Variants in SLC22A25 observed in about 807,000 individuals in gnomAD.
The protein encoded by SLC22A25 is MGI:2442751, MGI:2385316, MGI:3042283, MGI:3645714, MGI:3605624, MGI:2442750.
SLC22A25 carries 44 observed loss-of-function variants against 45.9 expected under a neutral mutation model. The observed-to-expected ratio is 0.96, with a 90% CI of 0.75 to 1.23. The LOEUF is 1.23. Ranked by LOEUF, SLC22A25 falls within the 50% of genes most tolerant of loss-of-function variation. The pLI, the probability that SLC22A25 is intolerant of heterozygous loss-of-function variation, is 0.00. For missense variants in SLC22A25, 800 were observed against 666.4 expected (o/e 1.20, Z -2.21); for synonymous variants, 283 against 238.6 (o/e 1.19, Z -1.72).
At chr11:63,171,369 A>G (rs61687692) in intron 9 of SLC22A25, among the ~76,000 whole-genome samples, 4,832 of 152,164 alleles carry the variant, frequency 0.032, 265 homozygotes, top group African/African-American at 0.11. Context: ...AAGAAGTCAA[A>G]TTGTCTCTGC....
At chr11:63,218,323 G>A (rs1167779940) in intron 5 of SLC22A25, 3 of 278,186 alleles carry the variant, frequency 1.1e-5, no homozygotes, top group East Asian at 2.1e-4. Context: ...ATAAAGAAGG[G>A]AACAATAGAT....
intron 11 of SLC22A25, 106 bp from the exon 12 acceptor site, chr11:63,164,179 G>A: frequency 1.4e-6 from 2 of 1,396,416 alleles, no homozygotes; most frequent in Non-Finnish European, 1.9e-6. Context: ...ACACATGGAG[G>A]TGATAACATA....
chr11:63,218,119 G>T (rs779397382), intron 5 of SLC22A25: 25 of 464,320 alleles, frequency 5.4e-5, no homozygotes, highest in Non-Finnish European at 1.1e-4. Flanking sequence ...CAAAGGCATG[G>T]AATAACCTCA....
intron 7 of SLC22A25, among the ~76,000 whole-genome samples, chr11:63,195,159 A>C (rs886531436): frequency 3.9e-5 from 6 of 152,074 alleles, no homozygotes; most frequent in African/African-American, 1.4e-4. Flanking sequence ...ATAATGGGAG[A>C]CTTTAACACC....
intron 8 of SLC22A25, among the ~76,000 whole-genome samples, chr11:63,183,336 C>T (rs1355204466): frequency 6.6e-6 from 1 of 152,084 alleles, no homozygotes; most frequent in Admixed American, 6.6e-5. Flanking sequence ...CCTAATCCTT[C>T]CTTCCTCTGT....
At chr11:63,189,170 G>T (rs1171385769) in intron 7 of SLC22A25, among the ~76,000 whole-genome samples, 1 of 152,114 alleles carries the variant, frequency 6.6e-6, no homozygotes, top group Non-Finnish European at 1.5e-5. Flanking sequence ...TTATTATTGT[G>T]TGGGAGCCTA....
chr11:63,228,516 G>T lies in SLC22A25; in HGVS notation c.451C>A (p.Leu151Ile), dbSNP rs1276750357. Reference protein sequence around the residue: ...SQPLNSVAKFLFMAGMMVGGN... With the variant: ...SQPLNSVAKFIFMAGMMVGGN... ...CCCACCATCATTCCAGCCATGAATAGAAATTTAGCTACTGAATTCAGTGGT... is the reference window on the plus strand; with the variant it reads ...CCCACCATCATTCCAGCCATGAATATAAATTTAGCTACTGAATTCAGTGGT... The change falls in exon 5 of 12, where the codon CTA (leucine) becomes ATA (isoleucine). Residue 151 changes from leucine (L) to isoleucine (I), a missense_variant. Coordinates refer to ENST00000306494, the MANE Select transcript of SLC22A25 (RefSeq NM_199352.6). 1 of 1,613,826 alleles carries T rather than the reference G, an allele frequency of 6.2e-7. No individual in the cohort carries two copies. The highest frequency in any genetic ancestry group is 8.5e-7 in the Non-Finnish European group (1 of 1,179,902).
chr11:63,201,319 A>C (rs772159116), intron 7 of SLC22A25, among the ~76,000 whole-genome samples: 1 of 152,200 alleles, frequency 6.6e-6, no homozygotes, highest in Non-Finnish European at 1.5e-5. Flanking sequence ...ACATAGACCA[A>C]TGGAACAGAA....
chr11:63,194,841 T>A (rs2088948610), intron 7 of SLC22A25, among the ~76,000 whole-genome samples: 1 of 129,590 alleles, frequency 7.7e-6, no homozygotes, highest in Admixed American at 9.3e-5. Flanking sequence ...GAGACACACA[T>A]AGGCTCAAAA....
In SLC22A25 at chr11:63,229,605, G is replaced by C. The variant is rs2090032097; in HGVS notation, c.48C>G (p.Phe16Leu). The change falls in exon 4 of 12, where the codon TTC becomes TTG. Residue 16 changes from phenylalanine (F) to leucine (L), a missense_variant. Coordinates refer to ENST00000306494, the MANE Select transcript of SLC22A25 (RefSeq NM_199352.6). ...TAAGGAAAACCATCTGAAGGATCTGGAATCTCCCCAGGCCTCCAACTTGAT... is the reference window on the plus strand; with the variant it reads ...TAAGGAAAACCATCTGAAGGATCTGCAATCTCCCCAGGCCTCCAACTTGAT... ...LLDQVGGLGR[F>L]QILQMVFLIM... 1 of 1,612,854 alleles carries C rather than the reference G, an allele frequency of 6.2e-7. No homozygotes were observed. The highest frequency in any genetic ancestry group is 2.2e-5 in the East Asian group (1 of 44,854).
intron 3 of SLC22A25, among the ~76,000 whole-genome samples, chr11:63,231,952 G>A (rs1004866340): frequency 7.9e-5 from 12 of 152,204 alleles, no homozygotes; most frequent in Middle Eastern, 3.4e-3. Flanking sequence ...TAGATATGTG[G>A]CATTATTTCT....
At chr11:63,210,124 C>T (rs1044806769) in intron 7 of SLC22A25, among the ~76,000 whole-genome samples, 5 of 152,190 alleles carry the variant, frequency 3.3e-5, no homozygotes, top group Non-Finnish European at 7.3e-5. Context: ...CCAATTATTC[C>T]AGAGGCTCCT....
In SLC22A25 at chr11:63,209,116, T is replaced by C. The variant is rs112120372; in HGVS notation, c.830+8198A>G. Among the ~76,000 whole-genome samples, 6 of 152,158 alleles carry C rather than the reference T, an allele frequency of 3.9e-5. 2 individuals carry two copies. The highest frequency in any genetic ancestry group is 1.4e-4 in the African/African-American group (6 of 41,496). ...CTCTGAAGGTACAAAAGACAGGAAA[T>C]TAATTGGCCGTGTGTTTAAGGTGGT... On this transcript the variant is annotated intron_variant, in intron 7 of 11. Coordinates refer to ENST00000306494, the MANE Select transcript of SLC22A25 (RefSeq NM_199352.6).
intron 9 of SLC22A25, among the ~76,000 whole-genome samples, chr11:63,177,509 A>G (rs941684221): frequency 6.6e-6 from 1 of 151,812 alleles, no homozygotes; most frequent in African/African-American, 2.4e-5. Context: ...TATTTTTTCT[A>G]TATAACTGTA....
intron 3 of SLC22A25, among the ~76,000 whole-genome samples, chr11:63,234,965 C>A (rs902286392): frequency 3.9e-5 from 6 of 152,120 alleles, no homozygotes; most frequent in Admixed American, 2.6e-4. Context: ...GAATATTGGC[C>A]CCCCCTCTCT....
At chr11:63,212,953 A>T (rs2089615976) in intron 7 of SLC22A25, among the ~76,000 whole-genome samples, 1 of 152,174 alleles carries the variant, frequency 6.6e-6, no homozygotes, top group Non-Finnish European at 1.5e-5. Flanking sequence ...TCCAAGGAAT[A>T]GAGAGGCTTC....
chr11:63,198,530 T>TG (rs2089134414), intron 7 of SLC22A25, among the ~76,000 whole-genome samples: 1 of 151,908 alleles, frequency 6.6e-6, no homozygotes, highest in South Asian at 2.1e-4. Flanking sequence ...TGAGAACACT[T>TG]GGACACAGAG....
At chr11:63,225,051 A>G (rs1171181384) in intron 5 of SLC22A25, among the ~76,000 whole-genome samples, 1 of 152,232 alleles carries the variant, frequency 6.6e-6, no homozygotes, top group Non-Finnish European at 1.5e-5. Context: ...GTGAGCCGAG[A>G]TTGTGCCACT....
chr11:63,222,220 G>A (rs2089869472), intron 5 of SLC22A25, among the ~76,000 whole-genome samples: 1 of 152,122 alleles, frequency 6.6e-6, no homozygotes, highest in Admixed American at 6.5e-5. Flanking sequence ...GTGTTGGGTA[G>A]TATGGACATT....
Sources: allele counts gnomAD v4.1 joint callset (sites outside exome capture counted in the v4.1 genomes callset), GRCh38; gene constraint gnomAD v4.1.1; transcripts MANE v1.5; gene names NCBI Gene and HGNC (gene_info 2026-07-23, HGNC 2026-07-21).